FYN: variants seen among roughly 807,000 people sequenced by gnomAD.
The protein encoded by FYN is tyrosine-protein kinase Fyn.
In FYN, 10 loss-of-function variants were observed where a neutral mutation model predicts 70.2. That is an observed-to-expected ratio of 0.14 (90% CI 0.09 to 0.24). The LOEUF (loss-of-function observed/expected upper bound fraction) is 0.24, where lower values mean the gene tolerates loss of function less well. Ranked by LOEUF, FYN falls within the 10% of genes least tolerant of loss-of-function variation. FYN has a pLI of 1.00. For missense variants in FYN, 319 were observed against 673.1 expected (o/e 0.47, Z 5.82); for synonymous variants, 236 against 248.6 (o/e 0.95, Z 0.48).
At position 111,735,903 on chromosome 6, in the gene FYN, A is replaced by T. The variant is rs771122936; in HGVS notation, c.-11-15841T>A. ...CAGAGGTGATCTACTTTGGAACTATATAAGTGACATTATCTGAGAGCCCTG... is the reference window on the plus strand; with the variant it reads ...CAGAGGTGATCTACTTTGGAACTATTTAAGTGACATTATCTGAGAGCCCTG... On this transcript the variant is annotated intron_variant, in intron 3 of 13. Coordinates refer to ENST00000354650, the MANE Select transcript of FYN (RefSeq NM_002037.5). Among the ~76,000 whole-genome samples the T allele has an allele frequency of 2.0e-5, 3 of 152,246 alleles. No homozygotes were observed. The East Asian group carries it at 5.8e-4, about 29-fold the overall frequency.
intron 3 of FYN, among the ~76,000 whole-genome samples, chr6:111,746,936 A>T (rs562943620): frequency 6.6e-6 from 1 of 152,192 alleles, no homozygotes; most frequent in South Asian, 2.1e-4. Context: ...GGATCACAGG[A>T]GCAGATAACA....
intron 12 of FYN, among the ~76,000 whole-genome samples, chr6:111,693,180 G>C (rs1391428223): frequency 1.3e-5 from 2 of 152,178 alleles, no homozygotes; most frequent in Non-Finnish European, 2.9e-5. Context: ...AATGAAGGGA[G>C]AGGATAATTG....
chr6:111,696,179 A>T (rs2128438420), intron 10 of FYN, 98 bp downstream of exon 10: 1 of 1,080,858 alleles, frequency 9.3e-7, no homozygotes, highest in Non-Finnish European at 1.3e-6. Flanking sequence ...TGACCCAGGC[A>T]GAAACTAGAA....
intron 13 of FYN, among the ~76,000 whole-genome samples, chr6:111,665,709 C>G (rs934023331): frequency 6.6e-6 from 1 of 151,680 alleles, no homozygotes; most frequent in Non-Finnish European, 1.5e-5. Context: ...GCAGCCTCCA[C>G]CTCCCAGGTT....
chr6:111,840,376 GGGCAGA>G (rs1486901098), intron 2 of FYN, among the ~76,000 whole-genome samples: 1 of 152,194 alleles, frequency 6.6e-6, no homozygotes, highest in Non-Finnish European at 1.5e-5. Context: ...GGCAATGTGA[GGGCAGA>G]GGCAGAGACT....
intron 3 of FYN, among the ~76,000 whole-genome samples, chr6:111,750,180 C>T (rs1206144617): frequency 6.6e-6 from 1 of 152,142 alleles, no homozygotes; most frequent in African/African-American, 2.4e-5. Context: ...AATCTCATGT[C>T]GAATTATAAT....
At chr6:111,704,850 C>G (rs948700436) in intron 6 of FYN, among the ~76,000 whole-genome samples, 1 of 152,000 alleles carries the variant, frequency 6.6e-6, no homozygotes, top group African/African-American at 2.4e-5. Context: ...ATCATGAAGT[C>G]AGGAGATGGA....
intron 12 of FYN, among the ~76,000 whole-genome samples, chr6:111,693,394 C>A (rs1375482579): frequency 6.6e-6 from 1 of 152,082 alleles, no homozygotes; most frequent in East Asian, 1.9e-4. Flanking sequence ...CCCCTTGCCC[C>A]AGCTATAAAC....
In FYN at chr6:111,767,641, C is replaced by T. The variant is rs180789228; in HGVS notation, c.-12+12925G>A. On this transcript the variant is annotated intron_variant, in intron 3 of 13. Transcript: ENST00000354650. ...GGTCTCGATCTCCTGACCTTGTGAT[C>T]CACCCACCTTGGCCTCCCAAAGTGC... Among the ~76,000 whole-genome samples, 317 of 152,286 alleles carry T rather than the reference C, an allele frequency of 2.1e-3. 1 individual carries two copies. Among genetic ancestry groups the T allele is most frequent in the African/African-American group, 7.4e-3 (307 of 41,560 alleles).
intron 3 of FYN, among the ~76,000 whole-genome samples, chr6:111,749,499 A>G (rs1157360679): frequency 1.3e-5 from 2 of 152,226 alleles, no homozygotes; most frequent in Non-Finnish European, 2.9e-5. Context: ...TAATCCAACA[A>G]AAGCTTATTA....
intron 2 of FYN, among the ~76,000 whole-genome samples, chr6:111,804,249 C>T (rs906573833): frequency 2.0e-5 from 3 of 152,122 alleles, no homozygotes; most frequent in Admixed American, 6.5e-5. Context: ...TGAAGAACAC[C>T]CACATCCCCT....
At chr6:111,834,274 T>C (rs62413714) in intron 2 of FYN, among the ~76,000 whole-genome samples, 6,349 of 148,978 alleles carry the variant, frequency 0.043, 268 homozygotes, top group African/African-American at 0.12. Flanking sequence ...AAGAGGATTG[T>C]TTATTTCTCT....
chr6:111,759,401 G>C (rs1019286827), intron 3 of FYN, among the ~76,000 whole-genome samples: 1 of 152,090 alleles, frequency 6.6e-6, no homozygotes, highest in African/African-American at 2.4e-5. Flanking sequence ...ATCCTTAAGA[G>C]CAAAGAATGG....
intron 3 of FYN, among the ~76,000 whole-genome samples, chr6:111,748,500 A>C (rs1377170432): frequency 1.3e-5 from 2 of 152,218 alleles, no homozygotes; most frequent in Admixed American, 1.3e-4. Flanking sequence ...TATCAAGAGC[A>C]AAAATTCAAA....
chr6:111,703,873 C>T, intron 7 of FYN, 126 bp downstream of exon 7: 1 of 690,846 alleles, frequency 1.4e-6, no homozygotes, highest in Non-Finnish European at 2.5e-6. Flanking sequence ...AACAGGACTC[C>T]ACTCACAAGG....
At chr6:111,709,173 CA>C (rs1800248758) in intron 5 of FYN, 4 of 149,856 alleles carry the variant, frequency 2.7e-5, no homozygotes, top group Admixed American at 2.6e-4. Flanking sequence ...AGGCAGCAAG[CA>C]AAACTTCAGG....
chr6:111,798,682 G>A (rs1771894177), intron 2 of FYN, among the ~76,000 whole-genome samples: 1 of 152,158 alleles, frequency 6.6e-6, no homozygotes, highest in South Asian at 2.1e-4. Flanking sequence ...GTGTGGCTCT[G>A]AGAAAGGCTG....
chr6:111,786,508 C>G (rs111830565), intron 2 of FYN, among the ~76,000 whole-genome samples: 1 of 152,230 alleles, frequency 6.6e-6, no homozygotes, highest in Admixed American at 6.5e-5. Context: ...TGAATAGTGC[C>G]GCAATATGTG....
intron 3 of FYN, among the ~76,000 whole-genome samples, chr6:111,730,584 G>A (rs1370188711): frequency 6.6e-6 from 1 of 152,248 alleles, no homozygotes; most frequent in East Asian, 1.9e-4. Flanking sequence ...GAGGGAAGGG[G>A]GCCTGCCCTC....
Sources: gnomAD v4.1 joint callset for allele counts (sites outside exome capture counted in the v4.1 genomes callset) on GRCh38, gnomAD v4.1.1 for gene constraint, MANE v1.5 for transcripts, NCBI Gene and HGNC (gene_info 2026-07-23, HGNC 2026-07-21) for gene names.